HECW2: variants seen among roughly 807,000 people sequenced by gnomAD.
HECW2 encodes E3 ubiquitin-protein ligase HECW2.
A neutral mutation model predicts 175.2 loss-of-function variants in HECW2; 61 were observed. The ratio of observed to expected loss-of-function variants is 0.35; its 90% CI spans 0.28 to 0.43. HECW2 has a LOEUF of 0.43. Ranked by LOEUF, HECW2 falls within the 20% of genes least tolerant of loss-of-function variation. HECW2 has a pLI of 1.00. For synonymous variants in HECW2, 671 were observed against 731.0 expected (o/e 0.92, Z 1.32); for missense variants, 1,524 against 2,000.5 (o/e 0.76, Z 4.54).
chr2:196,247,691 C>A, intron 19 of HECW2, among the ~76,000 whole-genome samples: 1 of 152,178 alleles, frequency 6.6e-6, no homozygotes, highest in East Asian at 1.9e-4. Context: ...ATTGCATAAT[C>A]ATATACAAAC....
chr2:196,275,878 T>C (rs1689935928), intron 15 of HECW2, among the ~76,000 whole-genome samples: 1 of 152,216 alleles, frequency 6.6e-6, no homozygotes, highest in African/African-American at 2.4e-5. Context: ...TCAATATTTC[T>C]ACTGAATGGA....
chr2:196,561,657 C>T (rs375405867), intron 1 of HECW2, among the ~76,000 whole-genome samples: 48 of 152,198 alleles, frequency 3.2e-4, no homozygotes, highest in East Asian at 2.1e-3. Flanking sequence ...TTTCTCAGAC[C>T]GGCCGGCACT....
At chr2:196,331,129 A>G (rs1241734963) in intron 4 of HECW2, 1 of 984,980 alleles carries the variant, frequency 1.0e-6, no homozygotes, top group Non-Finnish European at 1.2e-6. Flanking sequence ...GTGCCACTTA[A>G]CTGCATCCTG....
intron 1 of HECW2, among the ~76,000 whole-genome samples, chr2:196,550,767 T>C (rs1689581473): frequency 6.6e-6 from 1 of 152,208 alleles, no homozygotes; most frequent in African/African-American, 2.4e-5. Context: ...TGGAATTCTA[T>C]TGTAAGAATG....
intron 10 of HECW2, among the ~76,000 whole-genome samples, chr2:196,315,144 G>A (rs1380026410): frequency 1.0e-5 from 1 of 96,116 alleles, no homozygotes; most frequent in Non-Finnish European, 2.1e-5. Flanking sequence ...CAGCACGAGT[G>A]TATGAGTGTG....
intron 1 of HECW2, among the ~76,000 whole-genome samples, chr2:196,464,361 TTAAG>T (rs1461826632): frequency 1.3e-4 from 20 of 152,314 alleles, no homozygotes; most frequent in African/African-American, 4.3e-4. Flanking sequence ...GAATGATAAC[TTAAG>T]TATCATCAAT....
intron 19 of HECW2, among the ~76,000 whole-genome samples, chr2:196,249,207 T>C (rs1688769038): frequency 6.6e-6 from 1 of 152,224 alleles, no homozygotes; most frequent in Admixed American, 6.5e-5. Context: ...CCTAGAAATG[T>C]GCAGCTTAAA....
chr2:196,235,120 C>T (rs1254184138), intron 21 of HECW2, among the ~76,000 whole-genome samples: 2 of 118,056 alleles, frequency 1.7e-5, no homozygotes, highest in Non-Finnish European at 3.5e-5. Context: ...TGTTTTTAGA[C>T]CCAGTCTCGC....
chr2:196,318,707 G>C lies in HECW2; in HGVS notation c.2183C>G (p.Pro728Arg). The C allele has an allele frequency of 6.3e-7, 1 of 1,576,832 alleles. No homozygotes were observed. The highest frequency in any genetic ancestry group is 1.4e-5 in the African/African-American group (1 of 73,522). Reference protein sequence around the residue: ...EGPGAESATVPDQEELGEVWQ... With the variant: ...EGPGAESATVRDQEELGEVWQ... Reference sequence around the variant, plus strand: ...GACCTCCCCCAGCTCCTCCTGGTCAGGTACAGTGGCCGATTCTGCCCCTGG... The same window carrying C: ...GACCTCCCCCAGCTCCTCCTGGTCACGTACAGTGGCCGATTCTGCCCCTGG... Residue 728 changes from proline (P) to arginine (R), a missense_variant, in exon 9 of 29, where the codon CCT becomes CGT. Pro to Arg is a moderately radical substitution (Grantham distance 103). Transcript: ENST00000644978.
chr2:196,306,317 G>A (rs112986426), intron 13 of HECW2, among the ~76,000 whole-genome samples, 171 bp downstream of exon 13: 3,435 of 152,220 alleles, frequency 0.023, 136 homozygotes, highest in African/African-American at 0.077. Context: ...GAACTCAAAC[G>A]GTTTCTTTGG....
intron 18 of HECW2, among the ~76,000 whole-genome samples, chr2:196,255,953 C>G (rs917363116): frequency 6.6e-6 from 1 of 151,988 alleles, no homozygotes; most frequent in African/African-American, 2.4e-5. Context: ...TGCACCTGTA[C>G]TCCCAGCTAC....
At chr2:196,258,629 T>A (rs969860225) in intron 17 of HECW2, among the ~76,000 whole-genome samples, 1 of 152,194 alleles carries the variant, frequency 6.6e-6, no homozygotes, top group Non-Finnish European at 1.5e-5. Flanking sequence ...CATCATCATG[T>A]CACTATTTTC....
In HECW2 at chr2:196,572,848, C is replaced by T. The variant is rs77427933; in HGVS notation, c.-36+20660G>A. On this transcript the variant is annotated intron_variant, in intron 1 of 28. Transcript: ENST00000644978. ...CCAGAAAGAGGGCCCTCACCAAGAA[C>T]CCAACCCTGCTGGCACTCTGATCTT... is the stretch of plus-strand genomic sequence containing the variant. Among the ~76,000 whole-genome samples, 95 of 152,288 alleles carry T rather than the reference C, an allele frequency of 6.2e-4. 4 individuals are homozygous for T. The East Asian group carries it at 0.014, about 23-fold the overall frequency.
intron 1 of HECW2, among the ~76,000 whole-genome samples, chr2:196,454,862 T>C (rs1007277412): frequency 6.6e-6 from 1 of 152,130 alleles, no homozygotes; most frequent in Admixed American, 6.5e-5. Context: ...CCTGAAAGGG[T>C]TATTATTAGA....
intron 1 of HECW2, among the ~76,000 whole-genome samples, chr2:196,510,399 CAT>C (rs371919334): frequency 1.6e-4 from 24 of 152,270 alleles, no homozygotes; most frequent in African/African-American, 5.8e-4. Flanking sequence ...GCAAGAATTT[CAT>C]AGTCTTACCA....
At chr2:196,312,894 A>G (rs952414940) in intron 10 of HECW2, among the ~76,000 whole-genome samples, 1 of 152,222 alleles carries the variant, frequency 6.6e-6, no homozygotes. Context: ...TAGATTAATT[A>G]TACTTTTCAG....
chr2:196,437,062 T>C (rs991621712), intron 1 of HECW2, among the ~76,000 whole-genome samples: 2 of 152,128 alleles, frequency 1.3e-5, no homozygotes, highest in African/African-American at 4.8e-5. Context: ...ATTATCTCTC[T>C]TTTCAGATGA....
chr2:196,457,663 C>T (rs6713175), intron 1 of HECW2, among the ~76,000 whole-genome samples: 9 of 151,730 alleles, frequency 5.9e-5, no homozygotes, highest in African/African-American at 1.7e-4. Context: ...TTTATATTCC[C>T]GACCCTAAAA....
At chr2:196,263,592 G>C (rs1455820) in intron 17 of HECW2, 150,159 of 152,366 alleles carry the variant, frequency 0.99, 74,032 homozygotes, top group East Asian at 1. Context: ...AAAGGAAGAC[G>C]AGCACTGATC....
Sources: gnomAD v4.1 joint callset for allele counts (sites outside exome capture counted in the v4.1 genomes callset) on GRCh38, gnomAD v4.1.1 for gene constraint, MANE v1.5 for transcripts, NCBI Gene and HGNC (gene_info 2026-07-23, HGNC 2026-07-21) for gene names.